RUNX1: variants seen among roughly 807,000 people sequenced by gnomAD.
RUNX1 encodes the protein RUNX family transcription factor 1.
Under a neutral mutation model 42.8 loss-of-function variants are expected in RUNX1, and 19 were observed. The observed-to-expected ratio is 0.44, with a 90% CI of 0.31 to 0.65. The LOEUF (loss-of-function observed/expected upper bound fraction) is 0.65, where lower values mean the gene tolerates loss of function less well. Among genes scored for constraint, RUNX1 ranks in the 30% least tolerant of loss-of-function variants. The pLI, the probability that RUNX1 is intolerant of heterozygous loss-of-function variation, is 0.07. For synonymous variants in RUNX1, 271 were observed against 289.4 expected (o/e 0.94, Z 0.64); for missense variants, 528 against 672.0 (o/e 0.79, Z 2.37).
intron 7 of RUNX1, among the ~76,000 whole-genome samples, chr21:34,806,832 C>T: frequency 6.6e-6 from 1 of 151,878 alleles, no homozygotes. Flanking sequence ...GGAAAATCTC[C>T]AAATATTTGG....
At chr21:35,026,689 G>A (rs1342338603) in intron 2 of RUNX1, among the ~76,000 whole-genome samples, 1 of 152,236 alleles carries the variant, frequency 6.6e-6, no homozygotes, top group African/African-American at 2.4e-5. Context: ...GGACTTGTTG[G>A]TGGATCCATC....
chr21:34,860,627 T>C (rs1198765417), intron 5 of RUNX1, among the ~76,000 whole-genome samples: 1 of 152,206 alleles, frequency 6.6e-6, no homozygotes, highest in Non-Finnish European at 1.5e-5. Context: ...TTAAGTCTGA[T>C]GTTCAATCTT....
chr21:35,034,314 C>A (rs1459682731), intron 2 of RUNX1, among the ~76,000 whole-genome samples: 1 of 152,220 alleles, frequency 6.6e-6, no homozygotes, highest in Non-Finnish European at 1.5e-5. Context: ...ACGTCGGGGA[C>A]ATGGCTGATG....
chr21:34,896,906 A>G (rs1313682886), intron 2 of RUNX1, among the ~76,000 whole-genome samples: 3 of 152,122 alleles, frequency 2.0e-5, no homozygotes, highest in Non-Finnish European at 4.4e-5. Flanking sequence ...AGGGAAGGAG[A>G]GAATGAAATT....
At chr21:34,915,169 G>A (rs1000158659) in intron 2 of RUNX1, among the ~76,000 whole-genome samples, 2 of 152,100 alleles carry the variant, frequency 1.3e-5, no homozygotes, top group African/African-American at 2.4e-5. Flanking sequence ...TAATTGCAAA[G>A]TACCAGAAGA....
In RUNX1 at chr21:34,860,530, C is replaced by CGTGT. The variant is rs34768937; in HGVS notation, c.509-956_509-953dup. Among the ~76,000 whole-genome samples the CGTGT allele has an allele frequency of 5.3e-3, 795 of 149,514 alleles. 6 individuals carry two copies. Among genetic ancestry groups the CGTGT allele is most frequent in the African/African-American group, 0.011 (441 of 40,814 alleles). ...CGGTATTCAACAGGGTGTGTCTGTGCGTGTGTGTGTGTGTGTGTGTGTATG... is the reference window on the plus strand; with the variant it reads ...CGGTATTCAACAGGGTGTGTCTGTGCGTGTGTGTGTGTGTGTGTGTGTGTGTATG... On this transcript the variant is annotated intron_variant, in intron 5 of 8. Coordinates refer to ENST00000675419, the MANE Select transcript of RUNX1 (RefSeq NM_001754.5).
chr21:34,923,501 A>C (rs532845565), intron 2 of RUNX1, among the ~76,000 whole-genome samples: 2 of 152,144 alleles, frequency 1.3e-5, no homozygotes, highest in South Asian at 4.1e-4. Context: ...TTCAAACAAA[A>C]CTCTAATTAT....
At chr21:35,009,141 C>A (rs2059106816) in intron 2 of RUNX1, among the ~76,000 whole-genome samples, 6 of 152,172 alleles carry the variant, frequency 3.9e-5, no homozygotes, top group Non-Finnish European at 8.8e-5. Context: ...GTGCCAACTC[C>A]ACTGCACTTG....
intron 2 of RUNX1, among the ~76,000 whole-genome samples, chr21:35,021,260 AT>A (rs1292608363): frequency 2.6e-5 from 4 of 152,152 alleles, no homozygotes; most frequent in African/African-American, 7.2e-5. Flanking sequence ...CTATGTAAAG[AT>A]TGTTCTGAGG....
chr21:34,945,211 G>A (rs1420083406), intron 2 of RUNX1, among the ~76,000 whole-genome samples: 1 of 152,146 alleles, frequency 6.6e-6, no homozygotes, highest in African/African-American at 2.4e-5. Context: ...GTTTCAGATG[G>A]ACTATAGTAT....
rs570942895 is a variant in RUNX1, at chr21:34,876,375, T to C, written c.508+4182A>G. Among the ~76,000 whole-genome samples, 4 of 152,340 alleles carry C rather than the reference T, an allele frequency of 2.6e-5. No homozygotes were observed. In the South Asian group the frequency reaches 8.3e-4, roughly 32 times the overall value. Reference sequence around the variant, plus strand: ...AGAAAATGTCTAGCTCATTTGTACATGTATTTATTCATTTTCAGGTGTCTA... The same window carrying C: ...AGAAAATGTCTAGCTCATTTGTACACGTATTTATTCATTTTCAGGTGTCTA... On this transcript the variant is annotated intron_variant, in intron 5 of 8. Coordinates refer to ENST00000675419, the MANE Select transcript of RUNX1 (RefSeq NM_001754.5).
chr21:34,823,451 T>A (rs915086511), intron 7 of RUNX1, among the ~76,000 whole-genome samples: 36 of 50,592 alleles, frequency 7.1e-4, no homozygotes, highest in African/African-American at 1.5e-3. Flanking sequence ...TTTTTTTTTT[T>A]TTTTTTTTTC....
Position 34,788,171 on chromosome 21 carries a change from AG to A in RUNX1, c.*3963del, listed in dbSNP as rs1211451049. On this transcript the variant is annotated 3_prime_UTR_variant, in exon 9 of 9. Transcript: ENST00000675419. ...GAAAGAAGCCCACGCACGAATTTTC[AG>A]GATGTTTTGTGACCAAACCCAATAA... 7 of 233,412 alleles carry A rather than the reference AG, an allele frequency of 3.0e-5. No homozygotes were observed. The highest frequency in any genetic ancestry group is 5.1e-5 in the Non-Finnish European group (6 of 118,058). The allele number at this position is 233,412 out of a possible 1,614,324, so 14.5% of individuals were successfully genotyped here. A position where few individuals can be genotyped will look rare whatever the true frequency, so the allele number is the denominator to read the frequency against.
intron 2 of RUNX1, among the ~76,000 whole-genome samples, chr21:35,009,324 C>T (rs566616457): frequency 2.0e-5 from 3 of 152,200 alleles, no homozygotes; most frequent in South Asian, 2.1e-4. Flanking sequence ...AAATCCTGCC[C>T]GATGTCTTCT....
intron 2 of RUNX1, among the ~76,000 whole-genome samples, chr21:35,026,250 C>A (rs1454772202): frequency 1.3e-5 from 2 of 152,188 alleles, no homozygotes; most frequent in Admixed American, 6.5e-5. Context: ...GGGGTCAAAT[C>A]TTTTGGTTTC....
chr21:34,991,862 A>C (rs1325141872), intron 2 of RUNX1, among the ~76,000 whole-genome samples: 3 of 152,228 alleles, frequency 2.0e-5, no homozygotes, highest in Non-Finnish European at 4.4e-5. Context: ...CCTTATAAGA[A>C]GAAAAAACGG....
At chr21:34,849,268 AAT>A (rs1555892620) in intron 6 of RUNX1, among the ~76,000 whole-genome samples, 1 of 44,060 alleles carries the variant, frequency 2.3e-5, no homozygotes, top group Non-Finnish European at 4.3e-5. Context: ...ATATATATAT[AAT>A]ATATATATAA....
intron 5 of RUNX1, among the ~76,000 whole-genome samples, chr21:34,865,959 T>C (rs1405330403): frequency 6.6e-6 from 1 of 152,196 alleles, no homozygotes; most frequent in Non-Finnish European, 1.5e-5. Flanking sequence ...ACACCCCGTG[T>C]CTGACGGGCG....
intron 2 of RUNX1, among the ~76,000 whole-genome samples, chr21:34,954,917 T>C (rs1349248300): frequency 1.3e-5 from 2 of 152,290 alleles, no homozygotes; most frequent in East Asian, 3.9e-4. Context: ...TTGACATTAC[T>C]TCTTGGCAAG....
Sources: gnomAD v4.1 joint callset for allele counts (sites outside exome capture counted in the v4.1 genomes callset) on GRCh38, gnomAD v4.1.1 for gene constraint, MANE v1.5 for transcripts, NCBI Gene and HGNC (gene_info 2026-07-23, HGNC 2026-07-21) for gene names.